Variants in STK32B observed in about 807,000 individuals in gnomAD.
STK32B encodes serine/threonine kinase 32B.
A neutral mutation model predicts 52.6 loss-of-function variants in STK32B; 43 were observed. That is an observed-to-expected ratio of 0.82 (90% CI 0.64 to 1.05). The LOEUF is 1.05. Ranked by LOEUF, STK32B falls within the 50% of genes least tolerant of loss-of-function variation. The probability of loss-of-function intolerance (pLI) is 0.00; values close to 1 mark genes in which losing one functional copy is unlikely to be tolerated. For synonymous variants in STK32B, 238 were observed against 204.3 expected (o/e 1.17, Z -1.41); for missense variants, 621 against 534.6 (o/e 1.16, Z -1.59).
chr4:5,225,217 A>G (rs142154598), intron 3 of STK32B, among the ~76,000 whole-genome samples: 1,557 of 152,176 alleles, frequency 0.01, 25 homozygotes, highest in African/African-American at 0.035. Flanking sequence ...TCAGGAGTTC[A>G]AGACCAGCCT....
Position 5,459,292 on chromosome 4 carries a change from C to A in STK32B, c.784-811C>A, listed in dbSNP as rs985666458. On this transcript the variant is annotated intron_variant, in intron 8 of 11. Coordinates refer to ENST00000282908, the MANE Select transcript of STK32B (RefSeq NM_018401.3). ...TGTGGACCCTGGTGTGCCCCCCCCC[C>A]CCACCTTTCTAAGTATGTGCCAGGT... Among the ~76,000 whole-genome samples the A allele has an allele frequency of 2.7e-4, 40 of 148,476 alleles. 2 individuals are homozygous for A. Among genetic ancestry groups the A allele is most frequent in the African/African-American group, 9.5e-4 (37 of 39,068 alleles).
At chr4:5,180,995 G>C (rs979879468) in intron 3 of STK32B, among the ~76,000 whole-genome samples, 1 of 152,142 alleles carries the variant, frequency 6.6e-6, no homozygotes, top group Non-Finnish European at 1.5e-5. Context: ...ACCCCAGAGA[G>C]TGAGGGTGTC....
At chr4:5,353,766 A>C (rs11737548) in intron 4 of STK32B, among the ~76,000 whole-genome samples, 7,348 of 152,268 alleles carry the variant, frequency 0.048, 238 homozygotes, top group East Asian at 0.075. Context: ...ATGTAAAGAA[A>C]AGAGACCTCT....
At position 5,173,920 on chromosome 4, in the gene STK32B, T is replaced by A. The variant is rs561725071; in HGVS notation, c.260+5470T>A. Among the ~76,000 whole-genome samples, 8 of 152,344 alleles carry A rather than the reference T, an allele frequency of 5.3e-5. No individual in the cohort carries two copies. The East Asian group carries it at 1.5e-3, about 29-fold the overall frequency. On this transcript the variant is annotated intron_variant, in intron 3 of 11. Transcript: ENST00000282908. ...ACAGTGGGATGTTAAAGTCTCCTAT[T>A]ATTATGGTGTGGGAGTCTAAGTCTC...
chr4:5,208,837 G>C (rs1211900289), intron 3 of STK32B, among the ~76,000 whole-genome samples: 1 of 152,214 alleles, frequency 6.6e-6, no homozygotes, highest in African/African-American at 2.4e-5. Context: ...AGCCCATCTG[G>C]TAGATATGAT....
intron 3 of STK32B, among the ~76,000 whole-genome samples, chr4:5,216,234 T>C (rs547035291): frequency 1.3e-5 from 2 of 152,246 alleles, no homozygotes; most frequent in Admixed American, 6.5e-5. Flanking sequence ...CTCTAGGAAA[T>C]GCTGATGCTG....
chr4:5,411,731 C>G (rs983883825), intron 5 of STK32B, among the ~76,000 whole-genome samples: 1 of 152,112 alleles, frequency 6.6e-6, no homozygotes. Context: ...TTGACAAATA[C>G]ATTTGAACCA....
intron 3 of STK32B, among the ~76,000 whole-genome samples, chr4:5,188,418 G>A (rs1349535895): frequency 2.0e-5 from 3 of 152,132 alleles, no homozygotes; most frequent in Non-Finnish European, 4.4e-5. Context: ...GCTCCCCATG[G>A]TTTCCCTGAC....
chr4:5,094,481 T>C (rs1473605424), intron 1 of STK32B, among the ~76,000 whole-genome samples: 1 of 152,062 alleles, frequency 6.6e-6, no homozygotes, highest in Non-Finnish European at 1.5e-5. Flanking sequence ...AGCCAGATAT[T>C]GTCTCTACAG....
chr4:5,168,086 T>G (rs1287736480), intron 2 of STK32B, among the ~76,000 whole-genome samples: 2 of 152,168 alleles, frequency 1.3e-5, no homozygotes, highest in African/African-American at 4.8e-5. Flanking sequence ...CCAGTGCTCA[T>G]GTCAATGTTT....
intron 2 of STK32B, among the ~76,000 whole-genome samples, chr4:5,161,007 C>A (rs1381431257): frequency 6.6e-6 from 1 of 152,238 alleles, no homozygotes; most frequent in Admixed American, 6.5e-5. Flanking sequence ...AGGAGGGGAA[C>A]TGAGGCCAGC....
chr4:5,035,781 A>T, the STK32B span, among the ~76,000 whole-genome samples: 1 of 143,908 alleles, frequency 6.9e-6, no homozygotes, highest in African/African-American at 2.6e-5. Flanking sequence ...GGATCTGTAA[A>T]TTTTTTTTTT....
At chr4:5,241,096 G>T (rs1724992891) in intron 3 of STK32B, among the ~76,000 whole-genome samples, 1 of 151,574 alleles carries the variant, frequency 6.6e-6, no homozygotes, top group Non-Finnish European at 1.5e-5. Context: ...TTTCTTTATT[G>T]TGCTAATGTG....
intron 3 of STK32B, among the ~76,000 whole-genome samples, chr4:5,253,929 A>T (rs923105439): frequency 6.6e-6 from 1 of 152,034 alleles, no homozygotes; most frequent in Non-Finnish European, 1.5e-5. Flanking sequence ...CTGCTCAAAA[A>T]ATTATAGCCA....
chr4:5,272,717 C>T (rs1395597163), intron 3 of STK32B, among the ~76,000 whole-genome samples: 18 of 150,636 alleles, frequency 1.2e-4, no homozygotes, highest in Non-Finnish European at 2.4e-4. Flanking sequence ...CTTTGACAAA[C>T]CTGAGAAAAA....
chr4:5,233,133 A>G (rs1313108585), intron 3 of STK32B, among the ~76,000 whole-genome samples: 1 of 152,166 alleles, frequency 6.6e-6, no homozygotes, highest in Non-Finnish European at 1.5e-5. Context: ...CCTTGACTAT[A>G]CAGTTTGGGA....
chr4:5,332,654 AC>A (rs958916346), intron 4 of STK32B, among the ~76,000 whole-genome samples: 1 of 151,834 alleles, frequency 6.6e-6, no homozygotes, highest in African/African-American at 2.4e-5. Context: ...CGCTGCCTCC[AC>A]CCCACAACAG....
At chr4:5,173,289 G>A (rs1378427689) in intron 3 of STK32B, among the ~76,000 whole-genome samples, 2 of 151,908 alleles carry the variant, frequency 1.3e-5, no homozygotes, top group Non-Finnish European at 2.9e-5. Context: ...AGGTTTTTTT[G>A]TGTCTCTATT....
chr4:5,091,201 CA>C (rs1221744195), intron 1 of STK32B, among the ~76,000 whole-genome samples: 1 of 151,366 alleles, frequency 6.6e-6, no homozygotes, highest in Non-Finnish European at 1.5e-5. Context: ...AACACAGTAA[CA>C]AAAAAGTAAA....
Sources: allele counts gnomAD v4.1 joint callset (sites outside exome capture counted in the v4.1 genomes callset), GRCh38; gene constraint gnomAD v4.1.1; transcripts MANE v1.5; gene names NCBI Gene and HGNC (gene_info 2026-07-23, HGNC 2026-07-21).